The following USP32 variants were observed in gnomAD, a reference collection of about 807,000 sequenced individuals.
The protein encoded by USP32 is ubiquitin specific peptidase 32.
In USP32, 59 loss-of-function variants were observed where a neutral mutation model predicts 204.8. The ratio of observed to expected loss-of-function variants is 0.29; its 90% CI spans 0.23 to 0.36. The LOEUF is 0.36. USP32 is among the 10% of genes least tolerant of loss of function. The probability of loss-of-function intolerance (pLI) is 1.00; values close to 1 mark genes in which losing one functional copy is unlikely to be tolerated. For missense variants in USP32, 1,160 were observed against 1,946.4 expected (o/e 0.60, Z 7.60); for synonymous variants, 517 against 678.4 (o/e 0.76, Z 3.70).
intron 1 of USP32, among the ~76,000 whole-genome samples, chr17:60,390,258 T>G (rs2089807301): frequency 6.6e-6 from 1 of 152,192 alleles, no homozygotes; most frequent in South Asian, 2.1e-4. Context: ...ATTTTGGAAT[T>G]TCTCAATGCC....
At chr17:60,309,971 G>T (rs1034063560) in intron 2 of USP32, among the ~76,000 whole-genome samples, 1 of 152,092 alleles carries the variant, frequency 6.6e-6, no homozygotes, top group Non-Finnish European at 1.5e-5. Context: ...TTGAACCTGG[G>T]AGGTGGAGGT....
At chr17:60,338,932 C>T (rs536878520) in intron 2 of USP32, among the ~76,000 whole-genome samples, 56 of 151,954 alleles carry the variant, frequency 3.7e-4, no homozygotes, top group Non-Finnish European at 6.8e-4. Context: ...TTTTTTGAGA[C>T]GGAGTCTTGC....
chr17:60,184,547 G>A (rs1014577195), intron 30 of USP32, among the ~76,000 whole-genome samples: 2 of 152,020 alleles, frequency 1.3e-5, no homozygotes, highest in African/African-American at 4.8e-5. Flanking sequence ...GGTGGCTCAC[G>A]CCTGTAATTC....
intron 19 of USP32, among the ~76,000 whole-genome samples, chr17:60,211,735 T>C (rs538836743): frequency 6.6e-6 from 1 of 152,242 alleles, no homozygotes; most frequent in South Asian, 2.1e-4. Context: ...GCAGCAATTA[T>C]TCTTTTTAAT....
At chr17:60,325,007 A>G (rs1598246835) in intron 2 of USP32, among the ~76,000 whole-genome samples, 2 of 152,350 alleles carry the variant, frequency 1.3e-5, no homozygotes, top group East Asian at 1.9e-4. Context: ...CCATCTCAAA[A>G]AAAACAAAAA....
chr17:60,387,701 A>G (rs1039282665), intron 1 of USP32, among the ~76,000 whole-genome samples: 1 of 152,198 alleles, frequency 6.6e-6, no homozygotes, highest in African/African-American at 2.4e-5. Context: ...TAAACCCATC[A>G]TAAGTTGAAA....
intron 5 of USP32, among the ~76,000 whole-genome samples, chr17:60,280,395 C>A (rs1201712770): frequency 6.6e-6 from 1 of 152,118 alleles, no homozygotes; most frequent in Non-Finnish European, 1.5e-5. Context: ...CTGCACCTGG[C>A]CAAATCAAGT....
intron 2 of USP32, among the ~76,000 whole-genome samples, chr17:60,336,814 A>G (rs927287001): frequency 2.6e-5 from 4 of 152,220 alleles, no homozygotes; most frequent in Non-Finnish European, 4.4e-5. Flanking sequence ...GGCAATCAAC[A>G]TAATGTACTA....
chr17:60,203,610 CTT>C (rs34519556), intron 26 of USP32, among the ~76,000 whole-genome samples: 1 of 151,790 alleles, frequency 6.6e-6, no homozygotes, highest in Admixed American at 6.6e-5. Flanking sequence ...GAGTTTTGCT[CTT>C]GTCGCCCAGG....
rs756575459 is a variant in USP32, at chr17:60,226,112, G to A, written c.1359C>T (p.Tyr453=). 1.0e-5 allele frequency: 16 copies of A among 1,607,850 alleles called. 1 individual carries two copies. Among genetic ancestry groups the A allele is most frequent in the South Asian group, 7.8e-5 (7 of 89,644 alleles). The stretch of plus-strand genomic sequence containing the variant: ...AAAATTTCTCTTCTGTAGTATTCAC[G>A]TAACTGAGGCTGCTTCCAATTCTAT... ...VEDRIGSSLS[Y]VNTTEEKFSD... is the part of the protein sequence containing the mutation. Residue 453 remains tyrosine, a synonymous_variant, in exon 13 of 34, where the codon TAC becomes TAT. Transcript: ENST00000300896.
intron 1 of USP32, among the ~76,000 whole-genome samples, chr17:60,377,584 T>C (rs949103589): frequency 6.6e-6 from 1 of 152,230 alleles, no homozygotes; most frequent in African/African-American, 2.4e-5. Flanking sequence ...ATGCTTACAA[T>C]AATAAAGGCC....
chr17:60,389,597 G>A (rs1034476424), intron 1 of USP32, among the ~76,000 whole-genome samples: 2 of 140,336 alleles, frequency 1.4e-5, no homozygotes, highest in South Asian at 4.2e-4. Flanking sequence ...CTATATTAAA[G>A]TCTGACATTT....
chr17:60,223,209 T>C (rs542957578), intron 14 of USP32, among the ~76,000 whole-genome samples: 2 of 152,262 alleles, frequency 1.3e-5, no homozygotes, highest in South Asian at 4.1e-4. Context: ...ATAACAATAA[T>C]GCCAAGGGTT....
intron 4 of USP32, among the ~76,000 whole-genome samples, chr17:60,290,836 G>A (rs1039346735): frequency 6.6e-6 from 1 of 152,080 alleles, no homozygotes; most frequent in Admixed American, 6.6e-5. Flanking sequence ...ATTACCAATG[G>A]TCAATGATTT....
intron 17 of USP32, among the ~76,000 whole-genome samples, chr17:60,214,075 G>A (rs1427179446): frequency 1.3e-5 from 2 of 151,632 alleles, no homozygotes; most frequent in African/African-American, 4.9e-5. Context: ...CTGAGTAGCT[G>A]GGACTACAGG....
chr17:60,332,285 T>C (rs1282448452), intron 2 of USP32, among the ~76,000 whole-genome samples: 1 of 151,718 alleles, frequency 6.6e-6, no homozygotes, highest in Non-Finnish European at 1.5e-5. Context: ...CAATCGGTTT[T>C]GTCATGCATA....
At chr17:60,248,972 T>G (rs1343826798) in intron 11 of USP32, 1 of 152,248 alleles carries the variant, frequency 6.6e-6, no homozygotes. Context: ...TTGTTTTGTT[T>G]TACGACTTCC....
chr17:60,284,780 TAA>T (rs1261875528), intron 5 of USP32, among the ~76,000 whole-genome samples: 11 of 152,226 alleles, frequency 7.2e-5, no homozygotes. Flanking sequence ...TCACTTCTAC[TAA>T]GTTTCATTCT....
intron 2 of USP32, among the ~76,000 whole-genome samples, chr17:60,320,243 T>C (rs1258105204): frequency 6.6e-6 from 1 of 152,236 alleles, no homozygotes; most frequent in Admixed American, 6.5e-5. Context: ...TCCTGAGGTA[T>C]GTTTCTGGTC....
Sources: allele counts gnomAD v4.1 joint callset (sites outside exome capture counted in the v4.1 genomes callset), GRCh38; gene constraint gnomAD v4.1.1; transcripts MANE v1.5; gene names NCBI Gene and HGNC (gene_info 2026-07-23, HGNC 2026-07-21).